PRDX3: variants seen among roughly 807,000 people sequenced by gnomAD.
PRDX3 encodes the protein peroxiredoxin 3, also known as thioredoxin-dependent peroxide reductase, mitochondrial.
Under a neutral mutation model 30.4 loss-of-function variants are expected in PRDX3, and 20 were observed. That is an observed-to-expected ratio of 0.66 (90% CI 0.46 to 0.96). The LOEUF (loss-of-function observed/expected upper bound fraction) is 0.96, where lower values mean the gene tolerates loss of function less well. PRDX3 is among the 40% of genes least tolerant of loss of function. The probability of loss-of-function intolerance (pLI) is 0.00; values close to 1 mark genes in which losing one functional copy is unlikely to be tolerated. For missense variants in PRDX3, 322 were observed against 318.3 expected, an observed-to-expected ratio of 1.01 and a Z score of -0.09; for synonymous variants, 124 against 117.8, an observed-to-expected ratio of 1.05 and a Z score of -0.34.
chr10:119,178,562 T>C (rs1848100520), intron 1 of PRDX3, among the ~76,000 whole-genome samples, 193 bp downstream of exon 1: 1 of 151,804 alleles, frequency 6.6e-6, no homozygotes, highest in Admixed American at 6.6e-5. Context: ...ACCGCGAGGA[T>C]GGAGTGGGGA....
rs547759059 is a variant in PRDX3 at position 119,178,697 on chromosome 10, A to C, written c.36+58T>G. ...CAGAAGCGCGGGGTCCTGTCTGAGA[A>C]GCACGTTCCCGGAGCCACCAGTGTC... On this transcript the variant is annotated intron_variant, in intron 1 of 6. Coordinates refer to ENST00000298510, the MANE Select transcript of PRDX3 (RefSeq NM_006793.5). 3 of 1,544,838 alleles carry C rather than the reference A, an allele frequency of 1.9e-6. No individual in the cohort carries two copies. In the African/African-American group the frequency reaches 4.1e-5, roughly 21 times the overall value.
intron 2 of PRDX3, 54 bp downstream of exon 2, chr10:119,176,967 G>A (rs932008138): frequency 1.4e-5 from 22 of 1,608,682 alleles, no homozygotes; most frequent in Admixed American, 5.0e-5. Context: ...GTCCAGAGAC[G>A]ATGGTTCATT....
rs766004007 is a variant in PRDX3 at position 119,173,811 on chromosome 10, C to T, written c.373G>A (p.Val125Met). Residue 125 changes from valine to methionine, a missense_variant, in exon 4 of 7, where the codon GTG (valine) becomes ATG (methionine). Transcript: ENST00000298510. ...FSDKANEFHD[V>M]NCEVVAVSVD... ...GAGACTGCGACAACTTCACAGTTCA[C>T]GTCGTGAAATTCGTTAGCTTTGTCA... is the stretch of plus-strand genomic sequence containing the variant. 8.1e-6 allele frequency: 13 copies of T among 1,612,384 alleles called. No homozygotes were observed. Among genetic ancestry groups the T allele is most frequent in the Non-Finnish European group, 1.1e-5 (13 of 1,179,170 alleles).
chr10:119,178,784 C>T lies in PRDX3; in HGVS notation c.7G>A (p.Ala3Thr). The T allele has an allele frequency of 6.4e-7, 1 of 1,553,142 alleles. No homozygotes were observed. The highest frequency in any genetic ancestry group is 8.7e-7 in the Non-Finnish European group (1 of 1,148,272). The change falls in exon 1 of 7, where the codon GCT (alanine) becomes ACT (threonine). Residue 3 changes from alanine to threonine, a missense_variant. By Grantham distance (58) the Ala-to-Thr change is moderately conservative. Coordinates refer to ENST00000298510, the MANE Select transcript of PRDX3 (RefSeq NM_006793.5). MA[A>T]AVGRLLRASV... Reference sequence around the variant, plus strand: ...GCTCGGAGCAACCGTCCTACAGCAGCCGCCATCTTCAGTGCACTCGGGCGC... The same window carrying T: ...GCTCGGAGCAACCGTCCTACAGCAGTCGCCATCTTCAGTGCACTCGGGCGC...
Position 119,175,630 on chromosome 10 carries a change from C to T in PRDX3, c.170-1038G>A, listed in dbSNP as rs376303195. ...CAGGATGGTCTCCATCTCCTGACCT[C>T]GTGATCTGCCAGCCTCGGCCTCCCA... On this transcript the variant is annotated intron_variant, in intron 2 of 6. Coordinates refer to ENST00000298510, the MANE Select transcript of PRDX3 (RefSeq NM_006793.5). Among the ~76,000 whole-genome samples the T allele has an allele frequency of 7.2e-5, 11 of 152,188 alleles. No homozygotes were observed. The East Asian group carries it at 2.1e-3, about 29-fold the overall frequency.
intron 4 of PRDX3, 115 bp from the exon 5 acceptor site, chr10:119,172,600 G>C (rs35631594): frequency 1.0e-5 from 9 of 871,020 alleles, no homozygotes; most frequent in Middle Eastern, 2.2e-4. Context: ...ATTCAACAAC[G>C]GGCCAAGCAC....
intron 2 of PRDX3, 124 bp downstream of exon 2, chr10:119,176,897 G>T: frequency 8.4e-7 from 1 of 1,192,076 alleles, no homozygotes; most frequent in Non-Finnish European, 1.2e-6. Context: ...GACGGGGGCA[G>T]TGCTGTGTTC....
chr10:119,170,061 T>G (rs988894935), intron 5 of PRDX3: 2 of 152,280 alleles, frequency 1.3e-5, no homozygotes, highest in African/African-American at 4.8e-5. Flanking sequence ...TCAGGTGTGA[T>G]CACAGCAGGC....
At chr10:119,178,681 G>C in intron 1 of PRDX3, 74 bp downstream of exon 1, 2 of 1,513,402 alleles carry the variant, frequency 1.3e-6, no homozygotes, top group Non-Finnish European at 1.8e-6. Flanking sequence ...CCAGAAGCGC[G>C]GGGTCCTGTC....
intron 1 of PRDX3, 122 bp downstream of exon 1, chr10:119,178,633 C>G: frequency 7.9e-7 from 1 of 1,268,178 alleles, no homozygotes; most frequent in Non-Finnish European, 1.1e-6. Flanking sequence ...GTCCGTTACC[C>G]GCGGAAACCC....
At chr10:119,172,352 A>C (rs1847924642) in intron 5 of PRDX3, 30 bp downstream of exon 5, 2 of 1,526,966 alleles carry the variant, frequency 1.3e-6, no homozygotes, top group Non-Finnish European at 1.8e-6. Flanking sequence ...ATGAAAAATA[A>C]TCTTAAGTTC....
chr10:119,173,751 T>C lies in PRDX3; in HGVS notation c.433A>G (p.Asn145Asp). Residue 145 changes from asparagine (N) to aspartate (D), a missense_variant, in exon 4 of 7, where the codon AAT becomes GAT. Physicochemically the swap from Asn to Asp is conservative, Grantham distance 23. Transcript: ENST00000298510. ...CAATGCCATACCTTTCTTGGTGTAT[T>C]TATCCAGGCAAGATGGCTAAAGTGG... ...DSHFSHLAWI[N>D]TPRKNGGLGH... 1.9e-6 allele frequency: 3 copies of C among 1,612,082 alleles called. No individual in the cohort carries two copies. The highest frequency in any genetic ancestry group is 2.5e-6 in the Non-Finnish European group (3 of 1,179,916).
chr10:119,176,471 G>C (rs1848030637), intron 2 of PRDX3, among the ~76,000 whole-genome samples: 1 of 152,206 alleles, frequency 6.6e-6, no homozygotes, highest in East Asian at 1.9e-4. Flanking sequence ...ATCTAGACAA[G>C]GTATTTTCAA....
At chr10:119,177,191 A>C (rs1375473857) in intron 1 of PRDX3, 38 bp from the exon 2 acceptor site, 1 of 1,606,748 alleles carries the variant, frequency 6.2e-7, no homozygotes, top group South Asian at 1.1e-5. Context: ...GTTTTCCTGG[A>C]CTGGTGACTG....
intron 6 of PRDX3, 129 bp downstream of exon 6, chr10:119,169,048 G>T: frequency 1.2e-6 from 1 of 815,332 alleles, no homozygotes; most frequent in Non-Finnish European, 1.9e-6. Flanking sequence ...CCCCACAGCA[G>T]CTTCACCCAT....
chr10:119,175,087 A>C (rs529985755), intron 2 of PRDX3, among the ~76,000 whole-genome samples: 16 of 152,362 alleles, frequency 1.1e-4, no homozygotes, highest in African/African-American at 3.8e-4. Flanking sequence ...TTGTGCACAA[A>C]TTCAATTCCA....
intron 3 of PRDX3, 52 bp downstream of exon 3, chr10:119,174,399 A>G (rs899825378): frequency 3.9e-6 from 6 of 1,549,774 alleles, no homozygotes; most frequent in Non-Finnish European, 5.2e-6. Flanking sequence ...TGGGAACAGG[A>G]TATGTGCTTG....
rs995945338 is a variant in PRDX3 at position 119,169,282 on chromosome 10, T to G, written c.612A>C (p.Pro204=). Residue 204 remains proline, a synonymous_variant, in exon 6 of 7, where the codon CCA becomes CCC. Coordinates refer to ENST00000298510, the MANE Select transcript of PRDX3 (RefSeq NM_006793.5). ...VIKHLSVNDL[P]VGRSVEETLR... is the part of the protein sequence containing the mutation. ...GGGTTTCTTCCACGCTTCGGCCCAC[T>G]GGGAGATCGTTGACGCTCAAATGCT... The G allele has an allele frequency of 3.1e-6, 5 of 1,613,974 alleles. No individual in the cohort carries two copies. The African/African-American group carries it at 6.7e-5, about 22-fold the overall frequency.
At position 119,170,349 on chromosome 10, in the gene PRDX3, A is replaced by G. The variant is rs565745141; in HGVS notation, c.552-1007T>C. On this transcript the variant is annotated intron_variant, in intron 5 of 6. Coordinates refer to ENST00000298510, the MANE Select transcript of PRDX3 (RefSeq NM_006793.5). The stretch of plus-strand genomic sequence containing the variant: ...GGGTGCAGCCAGCTGAAGTCCACCA[A>G]TAGAAGGTGAGGCAGAGCTGGGACA... The G allele has an allele frequency of 2.5e-4, 38 of 152,326 alleles. 1 individual carries two copies. The highest frequency in any genetic ancestry group is 2.4e-3 in the Admixed American group (36 of 15,288). The allele number at this position is 152,326 out of a possible 1,614,324, so 9.4% of individuals were successfully genotyped here.
Sources: allele counts gnomAD v4.1 joint callset (sites outside exome capture counted in the v4.1 genomes callset), GRCh38; gene constraint gnomAD v4.1.1; transcripts MANE v1.5; gene names NCBI Gene and HGNC (gene_info 2026-07-23, HGNC 2026-07-21).